Variants in CTNND2 observed in about 807,000 individuals in gnomAD.
CTNND2 encodes catenin delta 2, also known as catenin delta-2.
CTNND2 carries 22 observed loss-of-function variants against 144.4 expected under a neutral mutation model. That is an observed-to-expected ratio of 0.15 (90% confidence interval 0.11 to 0.22). The LOEUF is 0.22. Ranked by LOEUF, CTNND2 falls within the 10% of genes least tolerant of loss-of-function variation. CTNND2 has a pLI of 1.00. For missense variants in CTNND2, 1,353 were observed against 1,618.8 expected, an observed-to-expected ratio of 0.84 and a Z score of 2.82; for synonymous variants, 751 against 695.6, an observed-to-expected ratio of 1.08 and a Z score of -1.25.
Position 11,904,005 on chromosome 5 carries a change from CAGGGG to C in CTNND2, c.-157_-153del. ...CGGGACAAGGGATGCTGGCGGGCGG[CAGGGG>C]CGAGCGCCGCGGGCGAGAGGCGGCT... On this transcript the variant is annotated 5_prime_UTR_variant, in exon 1 of 22. Transcript: ENST00000304623. This position sits in a 1 kb window ranked among gnomAD's most constrained non-coding sequence, Gnocchi z 4.2. The C allele has an allele frequency of 1.1e-6, 1 of 884,708 alleles. No homozygotes were observed. Among genetic ancestry groups the C allele is most frequent in the Non-Finnish European group, 1.5e-6 (1 of 677,250 alleles). 54.8% of individuals were successfully genotyped at this position (884,708 alleles called of 1,614,324 possible).
intron 8 of CTNND2, among the ~76,000 whole-genome samples, chr5:11,359,474 G>A (rs1756226284): frequency 6.6e-6 from 1 of 152,146 alleles, no homozygotes. Flanking sequence ...TGTCATGTCT[G>A]GTGATGGGTA....
At position 11,294,960 on chromosome 5, in the gene CTNND2, T is replaced by C. The variant is rs191031940; in HGVS notation, c.1628+51412A>G. Reference sequence around the variant, plus strand: ...CCTCTCTCACCACTCCTATTCAACATAGTGTTGGAAGTTCTGGCCAGGGCA... The same window carrying C: ...CCTCTCTCACCACTCCTATTCAACACAGTGTTGGAAGTTCTGGCCAGGGCA... On this transcript the variant is annotated intron_variant, in intron 9 of 21. Coordinates refer to ENST00000304623, the MANE Select transcript of CTNND2 (RefSeq NM_001332.4). Among the ~76,000 whole-genome samples the C allele has an allele frequency of 4.5e-3, 690 of 152,248 alleles. 2 individuals carry two copies. The highest frequency in any genetic ancestry group is 0.016 in the African/African-American group (656 of 41,534).
chr5:11,195,257 A>C (rs1736744334), intron 11 of CTNND2, among the ~76,000 whole-genome samples: 1 of 152,232 alleles, frequency 6.6e-6, no homozygotes, highest in Admixed American at 6.5e-5. Context: ...CCTGAGAAAA[A>C]GAATTTTCCA....
At chr5:11,196,398 ATAGG>A (rs1223998768) in intron 11 of CTNND2, among the ~76,000 whole-genome samples, 2 of 152,180 alleles carry the variant, frequency 1.3e-5, no homozygotes, top group East Asian at 3.9e-4. Context: ...CCATGAGATA[ATAGG>A]TAGGAAAGTG....
At chr5:11,769,263 T>C (rs367824147) in intron 1 of CTNND2, among the ~76,000 whole-genome samples, 3 of 152,086 alleles carry the variant, frequency 2.0e-5, no homozygotes, top group South Asian at 2.1e-4. Context: ...GGGTGCAAAG[T>C]TGGGGCCTCC....
chr5:11,129,811 T>C lies in CTNND2; in HGVS notation c.2160-12244A>G, dbSNP rs568093465. ...TGCAGCCTCGTTATTTTAAATGAAT[T>C]CCCATAACATTATGTGAAGCACCAA... On this transcript the variant is annotated intron_variant, in intron 12 of 21. Coordinates refer to ENST00000304623, the MANE Select transcript of CTNND2 (RefSeq NM_001332.4). 7.5e-4 allele frequency among the ~76,000 whole-genome samples: 114 copies of C among 152,156 alleles called. 1 individual carries two copies. Among genetic ancestry groups the C allele is most frequent in the Middle Eastern group, 3.4e-3 (1 of 294 alleles).
chr5:11,672,412 A>G (rs1282984170), intron 2 of CTNND2, among the ~76,000 whole-genome samples: 1 of 152,186 alleles, frequency 6.6e-6, no homozygotes, highest in African/African-American at 2.4e-5. Flanking sequence ...GATCCGTCCC[A>G]GGGAGATGGG....
intron 2 of CTNND2, among the ~76,000 whole-genome samples, chr5:11,718,414 T>G (rs955525788): frequency 6.6e-6 from 1 of 152,162 alleles, no homozygotes; most frequent in Non-Finnish European, 1.5e-5. Context: ...AGGAAATATC[T>G]CCTTCTCCAT....
At chr5:11,652,176 C>T (rs942324158) in intron 2 of CTNND2, among the ~76,000 whole-genome samples, 9 of 152,124 alleles carry the variant, frequency 5.9e-5, no homozygotes, top group African/African-American at 9.7e-5. Context: ...GGACTTCCCC[C>T]GTGCTATTTT....
At chr5:11,705,990 G>T (rs1269620861) in intron 2 of CTNND2, among the ~76,000 whole-genome samples, 2 of 152,162 alleles carry the variant, frequency 1.3e-5, no homozygotes, top group Admixed American at 1.3e-4. Flanking sequence ...ATTCCACATG[G>T]CAAGGAATTA....
intron 9 of CTNND2, among the ~76,000 whole-genome samples, chr5:11,270,426 G>A (rs995453641): frequency 2.7e-5 from 4 of 150,204 alleles, no homozygotes; most frequent in Non-Finnish European, 4.4e-5. Context: ...ACATGATTGT[G>A]TTTCTATAAG....
chr5:11,725,452 T>G (rs1002564827), intron 2 of CTNND2, among the ~76,000 whole-genome samples: 3 of 152,204 alleles, frequency 2.0e-5, no homozygotes, highest in African/African-American at 7.2e-5. Flanking sequence ...TATTCTCTTC[T>G]CCTCGTTAAA....
intron 1 of CTNND2, among the ~76,000 whole-genome samples, chr5:11,794,029 C>A (rs1791273843): frequency 6.6e-6 from 1 of 152,212 alleles, no homozygotes; most frequent in Admixed American, 6.5e-5. Flanking sequence ...TTTTCTCCAC[C>A]CTTGGTGACC....
intron 2 of CTNND2, among the ~76,000 whole-genome samples, chr5:11,726,635 A>G (rs902501748): frequency 4.6e-5 from 7 of 152,226 alleles, no homozygotes; most frequent in Admixed American, 2.6e-4. Flanking sequence ...TTTAACAATG[A>G]GTTGTAGTAA....
chr5:11,082,948 G>C, intron 15 of CTNND2, 102 bp from the exon 16 acceptor site: 1 of 1,322,786 alleles, frequency 7.6e-7, no homozygotes, highest in Non-Finnish European at 1.0e-6. Flanking sequence ...GAGCCAAAAA[G>C]GTTGAATTAC....
At chr5:11,424,973 T>TA in intron 3 of CTNND2, among the ~76,000 whole-genome samples, 1 of 152,192 alleles carries the variant, frequency 6.6e-6, no homozygotes, top group Admixed American at 6.5e-5. Context: ...ATGAAAGAGT[T>TA]ATCCCTGGAG....
Position 11,143,727 on chromosome 5 carries a change from C to T in CTNND2, c.2159+15849G>A, listed in dbSNP as rs534381995. On this transcript the variant is annotated intron_variant, in intron 12 of 21. Coordinates refer to ENST00000304623, the MANE Select transcript of CTNND2 (RefSeq NM_001332.4). ...GAGGTATAATTTTACTCAAAACAGCCCCTAATAAGGAGAGTGAATCATTTG... is the reference window on the plus strand; with the variant it reads ...GAGGTATAATTTTACTCAAAACAGCTCCTAATAAGGAGAGTGAATCATTTG... Among the ~76,000 whole-genome samples the T allele has an allele frequency of 3.9e-5, 6 of 152,274 alleles. No individual in the cohort carries two copies. The South Asian group carries it at 1.0e-3, about 26-fold the overall frequency.
chr5:11,195,527 G>A (rs989425054), intron 11 of CTNND2, among the ~76,000 whole-genome samples: 3 of 152,162 alleles, frequency 2.0e-5, no homozygotes, highest in South Asian at 2.1e-4. Flanking sequence ...AATGATGCCC[G>A]AAATGAAGGA....
At chr5:11,635,761 G>A (rs1414185103) in intron 2 of CTNND2, among the ~76,000 whole-genome samples, 2 of 151,482 alleles carry the variant, frequency 1.3e-5, no homozygotes, top group African/African-American at 4.9e-5. Flanking sequence ...TTAACCCCTT[G>A]TTTTCAGGCC....
Sources: gnomAD v4.1 joint callset for allele counts (sites outside exome capture counted in the v4.1 genomes callset) on GRCh38, gnomAD v4.1.1 for gene constraint, Gnocchi (gnomAD v3.1) non-coding constraint, MANE v1.5 for transcripts, NCBI Gene and HGNC (gene_info 2026-07-23, HGNC 2026-07-21) for gene names.